The following SLC22A3 variants were observed in gnomAD, a reference collection of about 807,000 sequenced individuals.
SLC22A3 encodes solute carrier family 22 member 3, also known as EMT organic cation transporter 3.
A neutral mutation model predicts 59.1 loss-of-function variants in SLC22A3; 51 were observed. The ratio of observed to expected loss-of-function variants is 0.86; its 90% confidence interval spans 0.69 to 1.09. The LOEUF (loss-of-function observed/expected upper bound fraction) is 1.09, where lower values mean the gene tolerates loss of function less well. Ranked by LOEUF, SLC22A3 falls within the 50% of genes least tolerant of loss-of-function variation. SLC22A3 has a pLI of 0.00. For synonymous variants in SLC22A3, 325 were observed against 292.0 expected (o/e 1.11, Z -1.15); for missense variants, 711 against 726.3 (o/e 0.98, Z 0.24).
At chr6:160,439,178 T>C (rs1024887030) in intron 7 of SLC22A3, among the ~76,000 whole-genome samples, 2 of 152,046 alleles carry the variant, frequency 1.3e-5, no homozygotes, top group Non-Finnish European at 2.9e-5. Flanking sequence ...GTGAACAAAA[T>C]AGACATAATT....
At chr6:160,380,495 C>T (rs963200262) in intron 1 of SLC22A3, among the ~76,000 whole-genome samples, 1 of 152,064 alleles carries the variant, frequency 6.6e-6, no homozygotes, top group Non-Finnish European at 1.5e-5. Context: ...ACTCACAAAT[C>T]ATATGCCACT....
At chr6:160,400,621 T>C (rs542757801) in intron 2 of SLC22A3, among the ~76,000 whole-genome samples, 175 of 150,558 alleles carry the variant, frequency 1.2e-3, no homozygotes, top group African/African-American at 4.1e-3. Context: ...TGTCCACCTA[T>C]CAAGAAAAAA....
At chr6:160,442,409 C>A (rs1188000242) in intron 7 of SLC22A3, among the ~76,000 whole-genome samples, 1 of 152,228 alleles carries the variant, frequency 6.6e-6, no homozygotes, top group African/African-American at 2.4e-5. Flanking sequence ...AAAGGCATGA[C>A]TGGAAACTAC....
At chr6:160,397,948 G>T (rs1414725209) in intron 1 of SLC22A3, 31 bp from the exon 2 acceptor site, 6 of 1,494,274 alleles carry the variant, frequency 4.0e-6, no homozygotes, top group Non-Finnish European at 5.6e-6. Context: ...ATTCTGGCAT[G>T]TCTCCATGTG....
intron 1 of SLC22A3, among the ~76,000 whole-genome samples, chr6:160,394,702 C>T (rs947562565): frequency 6.6e-6 from 1 of 152,176 alleles, no homozygotes; most frequent in Non-Finnish European, 1.5e-5. Flanking sequence ...TTAATAAAAG[C>T]GTTAGGATTT....
At chr6:160,426,868 C>T (rs969260375) in intron 5 of SLC22A3, among the ~76,000 whole-genome samples, 2 of 152,076 alleles carry the variant, frequency 1.3e-5, no homozygotes, top group African/African-American at 4.8e-5. Flanking sequence ...AGCTTTGGAC[C>T]CTGAATAACG....
chr6:160,443,879 T>C (rs1788644791), intron 9 of SLC22A3, 137 bp downstream of exon 9: 2 of 449,354 alleles, frequency 4.5e-6, no homozygotes, highest in Non-Finnish European at 7.7e-6. Context: ...TTGATAATTA[T>C]GATATTAATT....
chr6:160,374,062 A>G (rs544342341), intron 1 of SLC22A3, among the ~76,000 whole-genome samples: 1 of 152,210 alleles, frequency 6.6e-6, no homozygotes, highest in South Asian at 2.1e-4. Flanking sequence ...GTATGAAAAA[A>G]ACTCCTGCAG....
rs1453074837 is a variant in SLC22A3, at chr6:160,355,720, T to C, written c.429+6872T>C. On this transcript the variant is annotated intron_variant, in intron 1 of 10. Coordinates refer to ENST00000275300, the MANE Select transcript of SLC22A3 (RefSeq NM_021977.4). ...CCGGGAGGCGGAGCTTGCAGTAAGC[T>C]GAGATCGCACCACTGCACTCCAGCC... Among the ~76,000 whole-genome samples, 6 of 152,042 alleles carry C rather than the reference T, an allele frequency of 3.9e-5. No homozygotes were observed. In the East Asian group the frequency reaches 1.2e-3, roughly 29 times the overall value.
intron 1 of SLC22A3, among the ~76,000 whole-genome samples, chr6:160,368,849 C>T (rs1451916705): frequency 2.0e-5 from 3 of 152,190 alleles, no homozygotes; most frequent in Admixed American, 2.0e-4. Flanking sequence ...CCGTTCTGCT[C>T]ATTTCGTGCT....
Position 160,451,124 on chromosome 6 carries a change from C to G in SLC22A3, c.*68C>G. On this transcript the variant is annotated 3_prime_UTR_variant, in exon 11 of 11. Transcript: ENST00000275300. Reference sequence around the variant, plus strand: ...ATCCTCCTTGCAAAGCTGTGCCTTGCAGAGATGCACGTGTGCATTTCAGCT... The same window carrying G: ...ATCCTCCTTGCAAAGCTGTGCCTTGGAGAGATGCACGTGTGCATTTCAGCT... 1.4e-6 allele frequency: 2 copies of G among 1,418,578 alleles called. No homozygotes were observed. The highest frequency in any genetic ancestry group is 2.0e-6 in the Non-Finnish European group (2 of 1,021,264). The allele number at this position is 1,418,578 out of a possible 1,614,324, so 87.9% of individuals were successfully genotyped here.
intron 5 of SLC22A3, among the ~76,000 whole-genome samples, chr6:160,433,714 AT>A (rs3066986): frequency 0.011 from 1,649 of 152,150 alleles, 18 homozygotes; most frequent in Non-Finnish European, 0.018. Flanking sequence ...CTCAAAAAAA[AT>A]TTTTTTAAAT....
chr6:160,437,648 G>A (rs1788395593), intron 7 of SLC22A3, among the ~76,000 whole-genome samples: 1 of 152,162 alleles, frequency 6.6e-6, no homozygotes, highest in Admixed American at 6.6e-5. Flanking sequence ...CTTTAATATT[G>A]TCACGATTCT....
intron 5 of SLC22A3, among the ~76,000 whole-genome samples, chr6:160,419,325 G>A (rs1360251616): frequency 1.3e-5 from 2 of 152,102 alleles, no homozygotes; most frequent in African/African-American, 4.8e-5. Context: ...TTTCAAAGGG[G>A]GATTTTTATA....
chr6:160,351,363 C>T (rs920878298), intron 1 of SLC22A3, among the ~76,000 whole-genome samples: 6 of 152,236 alleles, frequency 3.9e-5, no homozygotes, highest in African/African-American at 1.4e-4. Context: ...GATCCGCCCG[C>T]CTTGGCTTCC....
intron 2 of SLC22A3, among the ~76,000 whole-genome samples, chr6:160,400,466 T>G (rs1039207219): frequency 6.6e-6 from 1 of 152,040 alleles, no homozygotes; most frequent in Non-Finnish European, 1.5e-5. Flanking sequence ...AGAGAAGCAT[T>G]TGTGAAGTTC....
chr6:160,400,327 CT>C (rs1786716996), intron 2 of SLC22A3, among the ~76,000 whole-genome samples: 1 of 152,034 alleles, frequency 6.6e-6, no homozygotes, highest in Non-Finnish European at 1.5e-5. Context: ...ACTCCAGCCC[CT>C]TCTAGCCTTC....
intron 1 of SLC22A3, among the ~76,000 whole-genome samples, chr6:160,351,240 C>T (rs1022871264): frequency 6.6e-6 from 1 of 152,092 alleles, no homozygotes; most frequent in African/African-American, 2.4e-5. Flanking sequence ...CTCAGCCTCC[C>T]GAATAGCTGG....
At chr6:160,450,438 G>C (rs115988714) in intron 10 of SLC22A3, among the ~76,000 whole-genome samples, 2,243 of 152,172 alleles carry the variant, frequency 0.015, 58 homozygotes, top group African/African-American at 0.051. Context: ...CTGTTACTCT[G>C]TTCTATTTCA....
Sources: gnomAD v4.1 joint callset for allele counts (sites outside exome capture counted in the v4.1 genomes callset) on GRCh38, gnomAD v4.1.1 for gene constraint, MANE v1.5 for transcripts, NCBI Gene and HGNC (gene_info 2026-07-23, HGNC 2026-07-21) for gene names.